The following MEGF11 variants were observed in gnomAD, a reference collection of about 807,000 sequenced individuals.
The protein encoded by MEGF11 is multiple epidermal growth factor-like domains protein 11.
In MEGF11, 126 loss-of-function variants were observed where a neutral mutation model predicts 146.6. The ratio of observed to expected loss-of-function variants is 0.86; its 90% CI spans 0.74 to 1.00. The LOEUF (loss-of-function observed/expected upper bound fraction) is 1.00. Ranked by LOEUF, MEGF11 falls within the 50% of genes least tolerant of loss-of-function variation. The probability of loss-of-function intolerance (pLI) is 0.00; values close to 1 mark genes in which losing one functional copy is unlikely to be tolerated. For synonymous variants in MEGF11, 532 were observed against 583.4 expected, an observed-to-expected ratio of 0.91 and a Z score of 1.27; for missense variants, 1,509 against 1,521.2, an observed-to-expected ratio of 0.99 and a Z score of 0.13.
intron 5 of MEGF11, among the ~76,000 whole-genome samples, chr15:66,039,332 C>A (rs2083857064): frequency 6.6e-6 from 1 of 152,176 alleles, no homozygotes; most frequent in Non-Finnish European, 1.5e-5. Context: ...CAGAGCAGGT[C>A]CTGACAGCTG....
At position 66,237,569 on chromosome 15, in the gene MEGF11, A is replaced by G. The variant is rs368447016; in HGVS notation, c.-9+16036T>C. ...AAGCCTAAGATTATGACTTTGGGCA[A>G]GTGGGGCTGCCTCTCTGGCCTCTGT... On this transcript the variant is annotated intron_variant, in intron 1 of 25. Transcript: ENST00000395614. Among the ~76,000 whole-genome samples, 50 of 152,312 alleles carry G rather than the reference A, an allele frequency of 3.3e-4. 1 individual carries two copies. In the East Asian group the frequency reaches 5.0e-3, roughly 15 times the overall value.
At chr15:65,960,433 G>A (rs770701774) in intron 9 of MEGF11, among the ~76,000 whole-genome samples, 2 of 152,254 alleles carry the variant, frequency 1.3e-5, no homozygotes, top group African/African-American at 2.4e-5. Context: ...ACCTGCGTGG[G>A]TATCGTGGGG....
At chr15:66,167,834 A>C (rs2090141998) in intron 1 of MEGF11, among the ~76,000 whole-genome samples, 1 of 152,172 alleles carries the variant, frequency 6.6e-6, no homozygotes. Context: ...AGTTTTAACC[A>C]CGCTGGTGCC....
Position 65,929,766 on chromosome 15 carries a change from G to A in MEGF11, c.1526C>T (p.Ser509Phe), listed in dbSNP as rs2079506332. The A allele has an allele frequency of 1.3e-6, 2 of 1,554,414 alleles. No homozygotes were observed. Among genetic ancestry groups the A allele is most frequent in the Non-Finnish European group, 8.7e-7 (1 of 1,148,600 alleles). ...GTCTCCCAGCCAGCCAGGAGTGCAG[G>A]AGCAGGAGCCGTCTATGGGGCTGCA... Reference protein sequence around the residue: ...AACSPIDGSCSCTPGWLGDTC... With the variant: ...AACSPIDGSCFCTPGWLGDTC... Residue 509 changes from serine to phenylalanine, a missense_variant, in exon 12 of 26, where the codon TCC becomes TTC. Transcript: ENST00000395614.
intron 5 of MEGF11, among the ~76,000 whole-genome samples, chr15:66,037,935 A>G (rs902958275): frequency 2.6e-5 from 4 of 152,214 alleles, no homozygotes; most frequent in Non-Finnish European, 4.4e-5. Context: ...GCCACATGAT[A>G]CCTGGAGGTT....
intron 5 of MEGF11, among the ~76,000 whole-genome samples, chr15:66,092,607 T>G (rs936710063): frequency 3.3e-5 from 5 of 152,188 alleles, no homozygotes; most frequent in African/African-American, 1.2e-4. Context: ...GTCCTGTTCA[T>G]CAAATGCCAC....
chr15:66,158,493 T>C (rs4238402), intron 1 of MEGF11, among the ~76,000 whole-genome samples: 116,252 of 152,184 alleles, frequency 0.76, 45,691 homozygotes, highest in South Asian at 0.88. Context: ...GTCCCAGAAA[T>C]GCCTGCTTGC....
intron 1 of MEGF11, among the ~76,000 whole-genome samples, chr15:66,213,162 C>T (rs1567286160): frequency 6.6e-6 from 1 of 152,192 alleles, no homozygotes; most frequent in African/African-American, 2.4e-5. Context: ...GCCACCTCAT[C>T]CTCTCCTGCT....
At chr15:66,115,887 C>T (rs537634214) in intron 4 of MEGF11, among the ~76,000 whole-genome samples, 2 of 152,306 alleles carry the variant, frequency 1.3e-5, no homozygotes, top group East Asian at 1.9e-4. Context: ...CGCCCAGCCC[C>T]GGAAGGAAGC....
rs1011833605 is a variant in MEGF11 at position 65,938,458 on chromosome 15, G to A, written c.1288-7515C>T. On this transcript the variant is annotated intron_variant, in intron 10 of 25. Coordinates refer to ENST00000395614, the MANE Select transcript of MEGF11 (RefSeq NM_001385028.1). ...AGAGGACATGGCCCTGATCTTGAGG[G>A]AGTACCACCCACCAAGGCCTAGATG... Among the ~76,000 whole-genome samples, 6 of 152,302 alleles carry A rather than the reference G, an allele frequency of 3.9e-5. No homozygotes were observed. The East Asian group carries it at 1.2e-3, about 29-fold the overall frequency.
intron 1 of MEGF11, among the ~76,000 whole-genome samples, chr15:66,182,346 C>T (rs76234081): frequency 6.6e-6 from 1 of 152,116 alleles, no homozygotes. Flanking sequence ...GTTTGATCCT[C>T]GGGGCCCACA....
chr15:66,029,041 G>T (rs942206980), intron 5 of MEGF11, among the ~76,000 whole-genome samples: 1 of 152,170 alleles, frequency 6.6e-6, no homozygotes, highest in Admixed American at 6.5e-5. Flanking sequence ...GGGGGTCTCC[G>T]AATCCATCCC....
Position 66,194,714 on chromosome 15 carries a change from A to G in MEGF11, c.-9+58891T>C, listed in dbSNP as rs181686019. ...GGATAAAAGACAACATATTGGGTAC[A>G]GTGTACACTGCTTGGGTGACGGGTG... On this transcript the variant is annotated intron_variant, in intron 1 of 25. Coordinates refer to ENST00000395614, the MANE Select transcript of MEGF11 (RefSeq NM_001385028.1). 3.5e-3 allele frequency among the ~76,000 whole-genome samples: 528 copies of G among 152,238 alleles called. 2 individuals carry two copies. The highest frequency in any genetic ancestry group is 5.9e-3 in the Non-Finnish European group (401 of 68,022).
At chr15:65,909,954 G>A in intron 21 of MEGF11, 148 bp from the exon 22 acceptor site, 1 of 723,230 alleles carries the variant, frequency 1.4e-6, no homozygotes, top group Non-Finnish European at 2.5e-6. Flanking sequence ...CGAGCTAGGT[G>A]TTCCATGACA....
At chr15:65,899,008 G>A in intron 24 of MEGF11, 74 bp from the exon 25 acceptor site, 1 of 1,468,584 alleles carries the variant, frequency 6.8e-7, no homozygotes. Flanking sequence ...GCAGACTGCA[G>A]TTGAGTTTAT....
intron 4 of MEGF11, among the ~76,000 whole-genome samples, chr15:66,108,643 G>A (rs79394158): frequency 0.041 from 6,227 of 152,194 alleles, 240 homozygotes; most frequent in East Asian, 0.13. Flanking sequence ...AGAGCATTCC[G>A]GGCAGAGGGA....
At chr15:65,995,362 C>T (rs1246252987) in intron 5 of MEGF11, among the ~76,000 whole-genome samples, 1 of 152,180 alleles carries the variant, frequency 6.6e-6, no homozygotes, top group Non-Finnish European at 1.5e-5. Context: ...ATGTTCATAC[C>T]ACCTGGGACT....
intron 1 of MEGF11, among the ~76,000 whole-genome samples, chr15:66,252,738 C>G (rs2092393847): frequency 1.3e-5 from 2 of 152,206 alleles, no homozygotes; most frequent in Admixed American, 6.5e-5. Context: ...GAAAATAAAC[C>G]AAGTCCAGGA....
At chr15:66,149,692 C>T (rs563291596) in intron 1 of MEGF11, among the ~76,000 whole-genome samples, 1 of 152,306 alleles carries the variant, frequency 6.6e-6, no homozygotes, top group South Asian at 2.1e-4. Flanking sequence ...AGGTTAATTG[C>T]AGGATTCAAC....
Sources: gnomAD v4.1 joint callset for allele counts (sites outside exome capture counted in the v4.1 genomes callset) on GRCh38, gnomAD v4.1.1 for gene constraint, MANE v1.5 for transcripts, NCBI Gene and HGNC (gene_info 2026-07-23, HGNC 2026-07-21) for gene names.